GHR: variants seen among roughly 807,000 people sequenced by gnomAD.
GHR encodes GH receptor.
In GHR, 35 loss-of-function variants were observed where a neutral mutation model predicts 67.1. The observed-to-expected ratio is 0.52, with a 90% CI of 0.40 to 0.69. The LOEUF (loss-of-function observed/expected upper bound fraction) is 0.69, where lower values mean the gene tolerates loss of function less well. GHR is among the 30% of genes least tolerant of loss of function. The pLI is 0.00. For synonymous variants in GHR, 272 were observed against 269.1 expected (o/e 1.01, Z -0.10); for missense variants, 792 against 764.6 (o/e 1.04, Z -0.42).
intron 7 of GHR, among the ~76,000 whole-genome samples, chr5:42,712,205 A>G (rs1189565917): frequency 6.6e-6 from 1 of 152,136 alleles, no homozygotes; most frequent in African/African-American, 2.4e-5. Flanking sequence ...TTTACTATAC[A>G]GGTAGAATCT....
chr5:42,701,655 G>C (rs565654225), intron 6 of GHR, among the ~76,000 whole-genome samples: 2 of 152,242 alleles, frequency 1.3e-5, no homozygotes, highest in South Asian at 4.1e-4. Flanking sequence ...GAAAAAATTT[G>C]ACTTTTCAAA....
At chr5:42,519,840 AC>A (rs1293105070) in intron 1 of GHR, among the ~76,000 whole-genome samples, 1 of 152,168 alleles carries the variant, frequency 6.6e-6, no homozygotes, top group Non-Finnish European at 1.5e-5. Context: ...GCAGGGTATG[AC>A]ACATGTAGTA....
At chr5:42,680,853 A>AG (rs1554036037) in intron 3 of GHR, among the ~76,000 whole-genome samples, 2 of 150,640 alleles carry the variant, frequency 1.3e-5, no homozygotes, top group African/African-American at 2.4e-5. Context: ...TATTATTATT[A>AG]TTTTTTTTTA....
At chr5:42,702,396 T>G (rs1757973075) in intron 6 of GHR, among the ~76,000 whole-genome samples, 1 of 152,160 alleles carries the variant, frequency 6.6e-6, no homozygotes, top group South Asian at 2.1e-4. Flanking sequence ...TTTTTAAGGC[T>G]GATAGCATTC....
intron 1 of GHR, among the ~76,000 whole-genome samples, chr5:42,556,377 C>T (rs927208905): frequency 6.6e-6 from 1 of 152,018 alleles, no homozygotes; most frequent in African/African-American, 2.4e-5. Flanking sequence ...TATTTATCTC[C>T]TTTTAGATTA....
At chr5:42,564,835 G>A (rs943044411) in intron 1 of GHR, among the ~76,000 whole-genome samples, 3 of 152,160 alleles carry the variant, frequency 2.0e-5, no homozygotes, top group African/African-American at 7.2e-5. Context: ...CTGGTATGAT[G>A]ATAAGTCTCT....
chr5:42,495,508 T>A (rs1233956813), intron 1 of GHR, among the ~76,000 whole-genome samples: 5 of 152,116 alleles, frequency 3.3e-5, no homozygotes, highest in Non-Finnish European at 7.4e-5. Context: ...ATGTTATTCA[T>A]CCTGTATTAG....
chr5:42,702,656 C>T (rs1757986024), intron 6 of GHR, among the ~76,000 whole-genome samples: 1 of 151,462 alleles, frequency 6.6e-6, no homozygotes, highest in Non-Finnish European at 1.5e-5. Flanking sequence ...ATTTACACTC[C>T]CACCAATAGT....
intron 3 of GHR, among the ~76,000 whole-genome samples, chr5:42,651,802 A>G (rs1036334639): frequency 1.3e-5 from 2 of 152,144 alleles, no homozygotes; most frequent in Non-Finnish European, 2.9e-5. Context: ...TACTAAATCC[A>G]ATAGTATATT....
chr5:42,541,607 T>G (rs566465057), intron 1 of GHR, among the ~76,000 whole-genome samples: 1 of 152,030 alleles, frequency 6.6e-6, no homozygotes, highest in East Asian at 1.9e-4. Flanking sequence ...TGAGACCAAT[T>G]TGGGTGTTGG....
intron 1 of GHR, among the ~76,000 whole-genome samples, chr5:42,528,977 G>A (rs970291122): frequency 2.0e-5 from 3 of 151,416 alleles, no homozygotes; most frequent in Non-Finnish European, 2.9e-5. Context: ...TAATGCTCTT[G>A]CACACTTACT....
In GHR at chr5:42,429,799, T is replaced by C. The variant is rs534016596; in HGVS notation, c.-12+5844T>C. Among the ~76,000 whole-genome samples, 6 of 152,330 alleles carry C rather than the reference T, an allele frequency of 3.9e-5. No individual in the cohort carries two copies. In the South Asian group the frequency reaches 1.0e-3, roughly 26 times the overall value. On this transcript the variant is annotated intron_variant, in intron 1 of 9. Coordinates refer to ENST00000230882, the MANE Select transcript of GHR (RefSeq NM_000163.5). ...AGATAAACAAGTTGAAACTACATGT[T>C]ATAGACAGGTAGGGACTATGATGTA...
intron 6 of GHR, 21 bp from the exon 7 acceptor site, chr5:42,711,186 G>A (rs372948669): frequency 2.7e-5 from 44 of 1,600,396 alleles, no homozygotes; most frequent in Admixed American, 8.3e-5. Context: ...GCCAATATGC[G>A]TTTATATTTT....
chr5:42,550,209 G>A (rs1399485009), intron 1 of GHR: 1 of 312,936 alleles, frequency 3.2e-6, no homozygotes, highest in Non-Finnish European at 4.7e-6. Flanking sequence ...TTGGACTGGG[G>A]ACAGGAGACC....
Position 42,654,740 on chromosome 5 carries a change from C to A in GHR, c.136+25637C>A, listed in dbSNP as rs563524717. Among the ~76,000 whole-genome samples the A allele has an allele frequency of 7.2e-5, 11 of 152,218 alleles. 1 individual carries two copies. The South Asian group carries it at 1.9e-3, about 26-fold the overall frequency. Reference sequence around the variant, plus strand: ...GAGTTCAGGGGCTTGATGTTAAAAACAAGCTACCCCAGTGGTTTTGCTGCA... The same window carrying A: ...GAGTTCAGGGGCTTGATGTTAAAAAAAAGCTACCCCAGTGGTTTTGCTGCA... On this transcript the variant is annotated intron_variant, in intron 3 of 9. Coordinates refer to ENST00000230882, the MANE Select transcript of GHR (RefSeq NM_000163.5).
intron 2 of GHR, among the ~76,000 whole-genome samples, chr5:42,623,843 C>A (rs7727694): frequency 0.076 from 11,597 of 152,228 alleles, 516 homozygotes; most frequent in Middle Eastern, 0.14. Context: ...GACCACAGTT[C>A]GTAATGGTTT....
At chr5:42,665,574 C>A (rs1423156904) in intron 3 of GHR, among the ~76,000 whole-genome samples, 1 of 151,636 alleles carries the variant, frequency 6.6e-6, no homozygotes, top group Non-Finnish European at 1.5e-5. Context: ...GGAAGGGGAA[C>A]ATCACACTCT....
At chr5:42,666,224 A>C (rs1193830252) in intron 3 of GHR, among the ~76,000 whole-genome samples, 1 of 148,284 alleles carries the variant, frequency 6.7e-6, no homozygotes, top group Non-Finnish European at 1.5e-5. Context: ...AATGCAAGCT[A>C]CATATGCCAT....
At chr5:42,670,613 A>G (rs1756225219) in intron 3 of GHR, among the ~76,000 whole-genome samples, 1 of 152,042 alleles carries the variant, frequency 6.6e-6, no homozygotes, top group South Asian at 2.1e-4. Flanking sequence ...ATATTTGCAA[A>G]TCATATATTA....
Sources: allele counts gnomAD v4.1 joint callset (sites outside exome capture counted in the v4.1 genomes callset), GRCh38; gene constraint gnomAD v4.1.1; transcripts MANE v1.5; gene names NCBI Gene and HGNC (gene_info 2026-07-23, HGNC 2026-07-21).